The following FIG4 variants were observed in gnomAD, a reference collection of about 807,000 sequenced individuals.
FIG4 encodes polyphosphoinositide phosphatase.
Under a neutral mutation model 118.6 loss-of-function variants are expected in FIG4, and 112 were observed. That is an observed-to-expected ratio of 0.94 (90% CI 0.81 to 1.11). The LOEUF is 1.11. FIG4 is among the 50% of genes least tolerant of loss of function. The pLI, the probability that FIG4 is intolerant of heterozygous loss-of-function variation, is 0.00. For missense variants in FIG4, 969 were observed against 1,111.7 expected (o/e 0.87, Z 1.83); for synonymous variants, 369 against 381.2 (o/e 0.97, Z 0.37).
intron 17 of FIG4, 24 bp downstream of exon 17, chr6:109,785,052 T>C (rs745655583): frequency 7.4e-7 from 1 of 1,354,102 alleles, no homozygotes; most frequent in Non-Finnish European, 1.1e-6. Flanking sequence ...TGTGTTTTAG[T>C]TTTTACACTA....
chr6:109,710,909 T>C (rs111456502), intron 1 of FIG4, among the ~76,000 whole-genome samples: 3 of 149,480 alleles, frequency 2.0e-5, no homozygotes, highest in Non-Finnish European at 4.5e-5. Flanking sequence ...TATTAGTTTT[T>C]AAAAAAAAAA....
intron 15 of FIG4, among the ~76,000 whole-genome samples, chr6:109,772,300 C>G (rs896438662): frequency 1.3e-5 from 2 of 152,134 alleles, no homozygotes; most frequent in Non-Finnish European, 2.9e-5. Context: ...AAACCTTTCT[C>G]TTTTTCCAGT....
At position 109,760,336 on chromosome 6, in the gene FIG4, G is replaced by T. The variant is rs777119683; in HGVS notation, c.1224G>T (p.Glu408Asp). The change falls in exon 11 of 23, where the codon GAG becomes GAT. Residue 408 changes from glutamate (E) to aspartate (D), a missense_variant. This residue lies in a region of FIG4 where 246 missense variants were observed against 354.3 expected (regional missense o/e 0.69). Transcript: ENST00000230124. ...ATCTCAACCAATTTTTGCCTCCTGAGCACACTATTGTTTATATTCCCTGGG... is the reference window on the plus strand; with the variant it reads ...ATCTCAACCAATTTTTGCCTCCTGATCACACTATTGTTTATATTCCCTGGG... ...VTYLNQFLPPEHTIVYIPWDM... is the reference protein window; with the variant it reads ...VTYLNQFLPPDHTIVYIPWDM... 6.2e-7 allele frequency: 1 copy of T among 1,612,932 alleles called. No homozygotes were observed. Among genetic ancestry groups the T allele is most frequent in the African/African-American group, 1.3e-5 (1 of 74,888 alleles).
At chr6:109,732,573 A>T in intron 4 of FIG4, 64 bp from the exon 5 acceptor site, 1 of 846,228 alleles carries the variant, frequency 1.2e-6, no homozygotes, top group South Asian at 1.4e-5. Context: ...ATATGGGTAC[A>T]TGTTAAACTG....
At chr6:109,717,391 A>G (rs548133164) in intron 3 of FIG4, among the ~76,000 whole-genome samples, 4 of 152,260 alleles carry the variant, frequency 2.6e-5, no homozygotes, top group African/African-American at 9.6e-5. Context: ...TACTTTAGCA[A>G]GATGCTCCAT....
chr6:109,755,830 C>G (rs936903808), intron 10 of FIG4, among the ~76,000 whole-genome samples: 30 of 152,168 alleles, frequency 2.0e-4, no homozygotes, highest in African/African-American at 7.0e-4. Flanking sequence ...CTATGTGTGT[C>G]TCTGCACATG....
intron 10 of FIG4, among the ~76,000 whole-genome samples, chr6:109,752,678 A>T (rs1157013406): frequency 1.3e-5 from 2 of 151,934 alleles, no homozygotes; most frequent in Non-Finnish European, 2.9e-5. Flanking sequence ...CCACTTTTTG[A>T]TGGGGCTGTT....
At position 109,691,355 on chromosome 6, in the gene FIG4, G is replaced by A. The variant is rs1487750197; in HGVS notation, c.-81G>A. The A allele has an allele frequency of 7.1e-6, 8 of 1,121,956 alleles. No individual in the cohort carries two copies. In the Admixed American group the frequency reaches 1.6e-4, roughly 22 times the overall value. The allele number at this position is 1,121,956 out of a possible 1,614,324, so 69.5% of individuals were successfully genotyped here. ...TTCCTGGCTGGACTTGATGTCCAGG[G>A]CCTGAGGGGTTTTCTCGCCGAGTCT... On this transcript the variant is annotated 5_prime_UTR_variant, in exon 1 of 23. Coordinates refer to ENST00000230124, the MANE Select transcript of FIG4 (RefSeq NM_014845.6).
At chr6:109,822,787 GTATATATA>G (rs10523453) in intron 22 of FIG4, among the ~76,000 whole-genome samples, 1,469 of 120,410 alleles carry the variant, frequency 0.012, 21 homozygotes, top group East Asian at 0.03. Flanking sequence ...GTGTGTGTAT[GTATATATA>G]TATATATATA....
chr6:109,792,063 G>T (rs181264353), intron 20 of FIG4, among the ~76,000 whole-genome samples: 2 of 152,334 alleles, frequency 1.3e-5, no homozygotes, highest in Non-Finnish European at 2.9e-5. Context: ...TTTAGAAATG[G>T]ATAAGGCAAA....
intron 3 of FIG4, among the ~76,000 whole-genome samples, chr6:109,722,985 A>G (rs1430565890): frequency 3.2e-5 from 2 of 62,612 alleles, no homozygotes; most frequent in Non-Finnish European, 6.3e-5. Context: ...TGCCCAGAGT[A>G]GATATCCTGT....
At chr6:109,715,856 A>C (rs1775413435) in intron 2 of FIG4, among the ~76,000 whole-genome samples, 1 of 152,214 alleles carries the variant, frequency 6.6e-6, no homozygotes, top group African/African-American at 2.4e-5. Context: ...GGTTTCTCAA[A>C]TATGTAGTAA....
chr6:109,717,464 A>G (rs1055275705), intron 3 of FIG4, among the ~76,000 whole-genome samples: 1 of 152,132 alleles, frequency 6.6e-6, no homozygotes, highest in Non-Finnish European at 1.5e-5. Context: ...TTACTGTACT[A>G]TGGGTTTGTC....
chr6:109,751,069 C>G (rs1030194747), intron 10 of FIG4, among the ~76,000 whole-genome samples: 2 of 152,154 alleles, frequency 1.3e-5, no homozygotes, highest in Non-Finnish European at 2.9e-5. Flanking sequence ...CAGTAGTTAT[C>G]TCATTAAATT....
chr6:109,762,028 A>G lies in FIG4; in HGVS notation c.1272-63A>G, dbSNP rs539853578. 40 of 936,384 alleles carry G rather than the reference A, an allele frequency of 4.3e-5. No individual in the cohort carries two copies. The East Asian group carries it at 9.2e-4, about 21-fold the overall frequency. The allele number at this position is 936,384 out of a possible 1,614,324, so 58.0% of individuals were successfully genotyped here. ...GCTATAGACTTTACTGGCTTTAGATATAAGGATAAATATATATTAAAACTT... is the reference window on the plus strand; with the variant it reads ...GCTATAGACTTTACTGGCTTTAGATGTAAGGATAAATATATATTAAAACTT... On this transcript the variant is annotated intron_variant, in intron 11 of 22. Transcript: ENST00000230124.
chr6:109,747,128 A>T (rs1776525540), intron 10 of FIG4, among the ~76,000 whole-genome samples: 1 of 152,072 alleles, frequency 6.6e-6, no homozygotes, highest in African/African-American at 2.4e-5. Flanking sequence ...CCGAGAAGCG[A>T]TGCTTGAGTC....
At chr6:109,712,358 G>C (rs1452447081) in intron 1 of FIG4, among the ~76,000 whole-genome samples, 1 of 152,114 alleles carries the variant, frequency 6.6e-6, no homozygotes, top group Non-Finnish European at 1.5e-5. Context: ...TTTCCAAGTT[G>C]GTTCCATTCT....
chr6:109,778,443 C>T (rs1186880492), intron 16 of FIG4, among the ~76,000 whole-genome samples: 1 of 147,346 alleles, frequency 6.8e-6, no homozygotes, highest in African/African-American at 2.5e-5. Flanking sequence ...GCACTCCAAC[C>T]TGGGCAACAA....
intron 7 of FIG4, 73 bp downstream of exon 7, chr6:109,738,526 A>G: frequency 7.4e-7 from 1 of 1,353,714 alleles, no homozygotes; most frequent in South Asian, 1.2e-5. Context: ...ACAGCTACAT[A>G]TGAATTATAT....
Sources: gnomAD v4.1 joint callset for allele counts (sites outside exome capture counted in the v4.1 genomes callset) on GRCh38, gnomAD v4.1.1 for gene constraint, gnomAD v4.1.1 regional missense constraint, MANE v1.5 for transcripts, NCBI Gene and HGNC (gene_info 2026-07-23, HGNC 2026-07-21) for gene names.